ENTREP2: variants seen among roughly 807,000 people sequenced by gnomAD.
ENTREP2 encodes the protein endosomal transmembrane epsin interactor 2.
At chr15:29,650,157 G>C in the ENTREP2 span, among the ~76,000 whole-genome samples, 1 of 151,626 alleles carries the variant, frequency 6.6e-6, no homozygotes, top group Non-Finnish European at 1.5e-5. Context: ...AAGTAGAAAA[G>C]CCACTGCAAT....
chr15:29,241,139 G>A, the ENTREP2 span, among the ~76,000 whole-genome samples: 1 of 152,100 alleles, frequency 6.6e-6, no homozygotes, highest in Non-Finnish European at 1.5e-5. Flanking sequence ...TGAAATTAGT[G>A]CCTGACTATA....
chr15:29,374,434 G>A, the ENTREP2 span: 1 of 152,036 alleles, frequency 6.6e-6, no homozygotes, highest in Non-Finnish European at 1.5e-5. Flanking sequence ...TTTACCTTCA[G>A]GTGACATTAG....
the ENTREP2 span, among the ~76,000 whole-genome samples, chr15:29,481,895 C>T: frequency 6.6e-6 from 1 of 152,150 alleles, no homozygotes; most frequent in Non-Finnish European, 1.5e-5. Flanking sequence ...GATTTTGGTT[C>T]ACAGCAAAAT....
chr15:29,356,910 G>A, the ENTREP2 span, among the ~76,000 whole-genome samples: 1 of 152,052 alleles, frequency 6.6e-6, no homozygotes, highest in African/African-American at 2.4e-5. Context: ...TAGAGCAAAG[G>A]GCCAAGAAAA....
chr15:29,351,289 T>C, the ENTREP2 span, among the ~76,000 whole-genome samples: 2 of 152,178 alleles, frequency 1.3e-5, no homozygotes, highest in African/African-American at 4.8e-5. Flanking sequence ...ACAAAGTGCA[T>C]AAAATGTGAT....
At chr15:29,206,853 T>C in the ENTREP2 span, among the ~76,000 whole-genome samples, 1 of 152,194 alleles carries the variant, frequency 6.6e-6, no homozygotes, top group Non-Finnish European at 1.5e-5. Flanking sequence ...ACGTAATTAC[T>C]AACTCATTTA....
At chr15:29,524,444 G>C in the ENTREP2 span, among the ~76,000 whole-genome samples, 4 of 152,188 alleles carry the variant, frequency 2.6e-5, no homozygotes, top group Middle Eastern at 3.2e-3. Context: ...TTTGTTCTTA[G>C]AGCTCCCAAG....
the ENTREP2 span, among the ~76,000 whole-genome samples, chr15:29,520,781 A>G: frequency 6.6e-6 from 1 of 152,220 alleles, no homozygotes; most frequent in African/African-American, 2.4e-5. Context: ...GTAGTAAGTA[A>G]TCAGAAAGTT....
At chr15:29,213,590 T>C in the ENTREP2 span, among the ~76,000 whole-genome samples, 14 of 152,288 alleles carry the variant, frequency 9.2e-5, no homozygotes, top group Admixed American at 7.2e-4. Flanking sequence ...GGCTCTCTGC[T>C]TGTCTGTTAT....
chr15:29,304,092 A>AG, the ENTREP2 span, among the ~76,000 whole-genome samples: 5 of 152,150 alleles, frequency 3.3e-5, no homozygotes, highest in Admixed American at 3.3e-4. Flanking sequence ...CATGTTGGCT[A>AG]GGCTCATCTT....
the ENTREP2 span, among the ~76,000 whole-genome samples, chr15:29,654,739 G>A: frequency 1.3e-5 from 2 of 152,152 alleles, no homozygotes; most frequent in African/African-American, 2.4e-5. Flanking sequence ...AAATTAGCCT[G>A]AACTTTCTTG....
the ENTREP2 span, among the ~76,000 whole-genome samples, chr15:29,235,568 C>G: frequency 2.6e-5 from 4 of 152,186 alleles, no homozygotes; most frequent in African/African-American, 9.7e-5. Flanking sequence ...ATGTGGAGTG[C>G]AGCTAAAGCA....
the ENTREP2 span, among the ~76,000 whole-genome samples, chr15:29,666,478 C>T: frequency 6.6e-6 from 1 of 151,912 alleles, no homozygotes; most frequent in Non-Finnish European, 1.5e-5. Flanking sequence ...AAGGTCATGT[C>T]TCCCCCATTG....
At chr15:29,601,451 G>A in the ENTREP2 span, among the ~76,000 whole-genome samples, 2 of 140,926 alleles carry the variant, frequency 1.4e-5, no homozygotes, top group African/African-American at 5.3e-5. Flanking sequence ...TTTTTTTCTA[G>A]AGTTACTTCC....
chr15:29,641,911 T>G, the ENTREP2 span, among the ~76,000 whole-genome samples: 3 of 145,322 alleles, frequency 2.1e-5, no homozygotes, highest in Non-Finnish European at 4.5e-5. Flanking sequence ...TACCTAGGAG[T>G]AAATTTGACA....
the ENTREP2 span, among the ~76,000 whole-genome samples, chr15:29,198,346 G>A: frequency 6.6e-6 from 1 of 152,184 alleles, no homozygotes; most frequent in Non-Finnish European, 1.5e-5. Context: ...CTGCAGAACT[G>A]TTCTGCCCTA....
chr15:29,476,529 G>A, the ENTREP2 span, among the ~76,000 whole-genome samples: 2 of 152,196 alleles, frequency 1.3e-5, no homozygotes, highest in Non-Finnish European at 2.9e-5. Context: ...ATCCCTCTTC[G>A]TGGTCCAGCC....
chr15:29,197,365 T>C, the ENTREP2 span, among the ~76,000 whole-genome samples: 679 of 152,276 alleles, frequency 4.5e-3, 2 homozygotes, highest in African/African-American at 0.016. Context: ...GGCAGGAGGA[T>C]TGCTTGAGCC....
the ENTREP2 span, among the ~76,000 whole-genome samples, chr15:29,189,902 G>A: frequency 1.3e-5 from 2 of 152,300 alleles, no homozygotes; most frequent in African/African-American, 4.8e-5. Flanking sequence ...CATCAGGAAC[G>A]GGGGTCTGTA....
Sources: gnomAD v4.1 joint callset for allele counts (sites outside exome capture counted in the v4.1 genomes callset) on GRCh38, gnomAD v4.1.1 for gene constraint, MANE v1.5 for transcripts, NCBI Gene and HGNC (gene_info 2026-07-23, HGNC 2026-07-21) for gene names.